PGAP2: variants seen among roughly 807,000 people sequenced by gnomAD.
The protein encoded by PGAP2 is post-GPI attachment to proteins 2, also known as acyltransferase PGAP2.
In PGAP2, 21 loss-of-function variants were observed where a neutral mutation model predicts 33.2. That is an observed-to-expected ratio of 0.63 (90% confidence interval 0.45 to 0.91). The LOEUF (loss-of-function observed/expected upper bound fraction) is 0.91. Among genes scored for constraint, PGAP2 ranks in the 40% least tolerant of loss-of-function variants. The probability of loss-of-function intolerance (pLI) is 0.00; values close to 1 mark genes in which losing one functional copy is unlikely to be tolerated. For synonymous variants in PGAP2, 161 were observed against 172.9 expected, an observed-to-expected ratio of 0.93 and a Z score of 0.54; for missense variants, 345 against 424.0, an observed-to-expected ratio of 0.81 and a Z score of 1.64.
At chr11:3,813,621 G>A (rs1288129201) in intron 2 of PGAP2, among the ~76,000 whole-genome samples, 1 of 152,138 alleles carries the variant, frequency 6.6e-6, no homozygotes, top group Non-Finnish European at 1.5e-5. Context: ...CTGACCTCAA[G>A]TGATCCTCCC....
chr11:3,798,978 A>G (rs1182807344), intron 1 of PGAP2, among the ~76,000 whole-genome samples: 1 of 152,220 alleles, frequency 6.6e-6, no homozygotes, highest in Non-Finnish European at 1.5e-5. Context: ...GGGTATTTCA[A>G]ATGTTCCCAT....
At chr11:3,805,185 G>A (rs1381906477), upstream of PGAP2, among the ~76,000 whole-genome samples, 1 of 151,402 alleles carries the variant, frequency 6.6e-6, no homozygotes, top group African/African-American at 2.4e-5. Flanking sequence ...TGACCATCAT[G>A]TACTGAGTAC....
intron 1 of PGAP2, among the ~76,000 whole-genome samples, chr11:3,802,747 C>T (rs1036189691): frequency 4.0e-5 from 6 of 151,748 alleles, no homozygotes; most frequent in African/African-American, 9.7e-5. Flanking sequence ...TTTTATATCT[C>T]GCCTAAGTTA....
chr11:3,817,424 C>T lies in PGAP2; in HGVS notation c.237C>T (p.Arg79=), dbSNP rs752175187. 18 of 1,614,066 alleles carry T rather than the reference C, an allele frequency of 1.1e-5. No individual in the cohort carries two copies. Among genetic ancestry groups the T allele is most frequent in the Non-Finnish European group, 1.4e-5 (17 of 1,180,018 alleles). The stretch of plus-strand genomic sequence containing the variant: ...CCGATGGGACCTTGTTCCGGCTTCG[C>T]TTCACAGCCATGGTCTGGTGGGCCA... ...LDPDGTLFRL[R]FTAMVWWAIT... is the part of the protein sequence containing the mutation. Residue 79 remains arginine (R), a synonymous_variant, in exon 3 of 7, where the codon CGC becomes CGT. Coordinates refer to ENST00000278243, the MANE Select transcript of PGAP2 (RefSeq NM_014489.4).
In PGAP2 at chr11:3,814,748, TTTTCTTTCTTTCTTTCTTTCTTTCTTTC is replaced by T. The variant is rs57460101; in HGVS notation, c.166-2567_166-2540del. 3.8e-3 allele frequency among the ~76,000 whole-genome samples: 424 copies of T among 112,712 alleles called. 4 individuals are homozygous for T. Among genetic ancestry groups the T allele is most frequent in the African/African-American group, 0.013 (388 of 30,470 alleles). The allele number at this position is 112,712 out of a possible 152,430, so 73.9% of individuals were successfully genotyped here. On this transcript the variant is annotated intron_variant, in intron 2 of 6. Coordinates refer to ENST00000278243, the MANE Select transcript of PGAP2 (RefSeq NM_014489.4). The stretch of plus-strand genomic sequence containing the variant: ...CTTTCCTTCTTTCCTTCTTTCCTTC[TTTTCTTTCTTTCTTTCTTTCTTTCTTTC>T]TTTCTTTCTTTCTTTCTTTCTTTCT...
At chr11:3,821,455 AC>A (rs2088607642) in intron 3 of PGAP2, among the ~76,000 whole-genome samples, 1 of 152,194 alleles carries the variant, frequency 6.6e-6, no homozygotes, top group African/African-American at 2.4e-5. Context: ...AGTTTTGGAA[AC>A]TTTTAAAAAT....
At chr11:3,822,322 C>T (rs1029784800) in intron 3 of PGAP2, among the ~76,000 whole-genome samples, 1 of 152,124 alleles carries the variant, frequency 6.6e-6, no homozygotes, top group African/African-American at 2.4e-5. Flanking sequence ...CAAGATCGCG[C>T]CACTGCACTC....
At chr11:3,821,226 T>C (rs1027226364) in intron 3 of PGAP2, among the ~76,000 whole-genome samples, 1 of 152,120 alleles carries the variant, frequency 6.6e-6, no homozygotes, top group Admixed American at 6.5e-5. Context: ...GGCTGCCCTA[T>C]GAGCCGCCTG....
Position 3,825,404 on chromosome 11 carries a change from C to G in PGAP2, c.894C>G (p.Asp298Glu). The part of the protein sequence containing the change: ...NMAFHMTAWW[D>E]FGNKELLITS... ...CGTTCCACATGACGGCCTGGTGGGACTTCGGGAACAAGGAGCTGCTCATAA... is the reference window on the plus strand; with the variant it reads ...CGTTCCACATGACGGCCTGGTGGGAGTTCGGGAACAAGGAGCTGCTCATAA... Residue 298 changes from aspartate (D) to glutamate (E), a missense_variant, in exon 7 of 7, where the codon GAC becomes GAG. Physicochemically the swap from Asp to Glu is conservative, Grantham distance 45. This residue lies in a region of PGAP2 where 311 missense variants were observed against 353.6 expected (regional missense o/e 0.88). Transcript: ENST00000278243. The G allele has an allele frequency of 1.2e-6, 2 of 1,613,950 alleles. No homozygotes were observed. The highest frequency in any genetic ancestry group is 1.7e-6 in the Non-Finnish European group (2 of 1,179,980).
intron 1 of PGAP2, among the ~76,000 whole-genome samples, chr11:3,799,311 G>A (rs1024090516): frequency 6.6e-6 from 1 of 151,716 alleles, no homozygotes; most frequent in Non-Finnish European, 1.5e-5. Context: ...GCTGAGGCGG[G>A]CAGATTATTT....
At chr11:3,803,295 GT>G (rs34104190) in intron 1 of PGAP2, among the ~76,000 whole-genome samples, 86,484 of 137,598 alleles carry the variant, frequency 0.63, 27,630 homozygotes, top group East Asian at 0.79. Context: ...ACCCGGCCCT[GT>G]TTTTTTTTTT....
chr11:3,817,657 G>A (rs139231774), intron 3 of PGAP2, 122 bp downstream of exon 3: 7 of 816,928 alleles, frequency 8.6e-6, no homozygotes, highest in East Asian at 7.9e-5. Context: ...GGGGATGGGG[G>A]AAGGGTAGGT....
Position 3,803,269 on chromosome 11 carries a change from A to T in PGAP2, c.140-5025A>T, listed in dbSNP as rs2083762521. ...CGGCCTCCCAAAGTGCTGGGATTAC[A>T]GGCGTGAGCCACCACACCCGGCCCT... On this transcript the variant is annotated intron_variant, in intron 1 of 6. Transcript: ENST00000300730. Among the ~76,000 whole-genome samples, 13 of 150,160 alleles carry T rather than the reference A, an allele frequency of 8.7e-5. No individual in the cohort carries two copies. The South Asian group carries it at 2.8e-3, about 32-fold the overall frequency.
chr11:3,797,818 C>T (rs751660056), upstream of PGAP2: 16 of 1,548,988 alleles, frequency 1.0e-5, no homozygotes, highest in African/African-American at 6.8e-5. Context: ...TGACGTCACA[C>T]AGGGCCTCTC....
chr11:3,798,058 T>G (rs771803107), intron 1 of PGAP2: 459 of 1,515,538 alleles, frequency 3.0e-4, no homozygotes, highest in Non-Finnish European at 2.0e-4. Flanking sequence ...TGCCCGCACT[T>G]CCCGCCCAGA....
At chr11:3,797,787 G>T (rs2082762570), upstream of PGAP2, 2 of 1,540,906 alleles carry the variant, frequency 1.3e-6, no homozygotes, top group Non-Finnish European at 8.8e-7. Context: ...CCTCGCCGCC[G>T]CGGTTGGCGG....
intron 3 of PGAP2, among the ~76,000 whole-genome samples, chr11:3,818,143 A>G (rs574372584): frequency 6.6e-6 from 1 of 151,674 alleles, no homozygotes; most frequent in Admixed American, 6.6e-5. Flanking sequence ...TGGGAGGATC[A>G]CCTGAGGTCA....
At chr11:3,818,826 A>G (rs184115583) in intron 3 of PGAP2, among the ~76,000 whole-genome samples, 1 of 152,160 alleles carries the variant, frequency 6.6e-6, no homozygotes, top group Non-Finnish European at 1.5e-5. Context: ...TATTATGATT[A>G]AAAAAAGAGT....
chr11:3,807,338 G>A (rs1402126367), upstream of PGAP2, among the ~76,000 whole-genome samples: 2 of 131,198 alleles, frequency 1.5e-5, no homozygotes, highest in Non-Finnish European at 3.2e-5. Flanking sequence ...ATGGAGTTTC[G>A]CTCTTGTCGC....
Sources: gnomAD v4.1 joint callset for allele counts (sites outside exome capture counted in the v4.1 genomes callset) on GRCh38, gnomAD v4.1.1 for gene constraint, gnomAD v4.1.1 regional missense constraint, MANE v1.5 for transcripts, NCBI Gene and HGNC (gene_info 2026-07-23, HGNC 2026-07-21) for gene names.